AVIL: variants seen among roughly 807,000 people sequenced by gnomAD.
AVIL encodes the protein advillin.
In AVIL, 78 loss-of-function variants were observed where a neutral mutation model predicts 109.9. The ratio of observed to expected loss-of-function variants is 0.71; its 90% CI spans 0.59 to 0.86. The LOEUF (loss-of-function observed/expected upper bound fraction) is 0.86. Ranked by LOEUF, AVIL falls within the 40% of genes least tolerant of loss-of-function variation. The pLI, the probability that AVIL is intolerant of heterozygous loss-of-function variation, is 0.00. For missense variants in AVIL, 892 were observed against 1,016.5 expected (o/e 0.88, Z 1.67); for synonymous variants, 367 against 379.1 (o/e 0.97, Z 0.37).
chr12:57,813,420 G>A lies in AVIL; in HGVS notation c.145C>T (p.Arg49Trp), dbSNP rs536780133. 3 of 1,613,004 alleles carry A rather than the reference G, an allele frequency of 1.9e-6. No individual in the cohort carries two copies. Among genetic ancestry groups the A allele is most frequent in the African/African-American group, 1.3e-5 (1 of 75,010 alleles). ...TGGGATAGGAGACTGGCCACTCTCCGGGTCTGGGAGGTAGTCAGAGAGATC... is the reference window on the plus strand; with the variant it reads ...TGGGATAGGAGACTGGCCACTCTCCAGGTCTGGGAGGTAGTCAGAGAGATC... Reference protein sequence around the residue: ...EGDCYVILSTRRVASLLSQDI... With the variant: ...EGDCYVILSTWRVASLLSQDI... Residue 49 changes from arginine (R) to tryptophan (W), a missense_variant, in exon 4 of 20, where the codon CGG becomes TGG. Arg to Trp is a moderately radical substitution (Grantham distance 101). Transcript: ENST00000549994.
chr12:57,802,541 T>A (rs752861604), intron 16 of AVIL, 193 bp from the exon 17 acceptor site: 37 of 762,692 alleles, frequency 4.9e-5, no homozygotes, highest in Non-Finnish European at 1.8e-5. Flanking sequence ...TTAATTGCTA[T>A]GTGTATCTTC....
chr12:57,799,918 G>A lies in AVIL; in HGVS notation c.2223C>T (p.Asp741=). The A allele has an allele frequency of 1.9e-6, 3 of 1,614,140 alleles. No individual in the cohort carries two copies. The highest frequency in any genetic ancestry group is 2.5e-6 in the Non-Finnish European group (3 of 1,179,998). ...DAAAIMRITA[D]MKNATLSLNS... ...TCAGGGAGAGGGTTGCATTCTTCAT[G>A]TCCTAGGTAAGATAAGAATGTAGGC... is the stretch of plus-strand genomic sequence containing the variant. The change falls in exon 19 of 20, where the codon GAC becomes GAT. Residue 741 remains aspartate, a splice_region_variant and synonymous_variant. Transcript: ENST00000549994.
chr12:57,811,053 T>C lies in AVIL; in HGVS notation c.413A>G (p.His138Arg). 1 of 1,614,168 alleles carries C rather than the reference T, an allele frequency of 6.2e-7. No homozygotes were observed. Among genetic ancestry groups the C allele is most frequent in the Non-Finnish European group, 8.5e-7 (1 of 1,180,034 alleles). ...CCTGATGTTTCTTTTCCCTTTCACA[T>C]GTAGCAGCCGCTTCACGTCGTAGGT... is the stretch of plus-strand genomic sequence containing the variant. The part of the protein sequence containing the change: ...TNTYDVKRLL[H>R]VKGKRNIRAT... Residue 138 changes from histidine to arginine, a missense_variant, in exon 5 of 20, where the codon CAT becomes CGT. Transcript: ENST00000549994.
Position 57,810,905 on chromosome 12 carries a change from A to C in AVIL, c.469T>G (p.Phe157Val), listed in dbSNP as rs1433411021. Reference protein sequence around the residue: ...ATEVEMSWDSFNRGDVFLLDL... With the variant: ...ATEVEMSWDSVNRGDVFLLDL... ...AGCAAGAAGACATCACCTCGGTTGA[A>C]ACTGTCCCAGCTCATTTCCACCTGT... Residue 157 changes from phenylalanine (F) to valine (V), a missense_variant, in exon 6 of 20, where the codon TTC becomes GTC. Phe to Val is a conservative substitution (Grantham distance 50). Transcript: ENST00000549994. The C allele has an allele frequency of 1.9e-6, 3 of 1,614,050 alleles. No homozygotes were observed. The highest frequency in any genetic ancestry group is 2.5e-6 in the Non-Finnish European group (3 of 1,180,028).
intron 4 of AVIL, 57 bp downstream of exon 4, chr12:57,813,170 G>C (rs1956058206): frequency 6.5e-7 from 1 of 1,527,530 alleles, no homozygotes; most frequent in Non-Finnish European, 8.9e-7. Context: ...TTGGCCTTTT[G>C]GGTTTCCTCC....
chr12:57,816,757 T>A (rs1350636148), intron 1 of AVIL, among the ~76,000 whole-genome samples: 1 of 148,644 alleles, frequency 6.7e-6, no homozygotes, highest in Non-Finnish European at 1.5e-5. Flanking sequence ...CAAACAACCC[T>A]TCCTTCTTTT....
chr12:57,806,823 A>G (rs1284765885), intron 13 of AVIL, among the ~76,000 whole-genome samples: 1 of 152,162 alleles, frequency 6.6e-6, no homozygotes, highest in Non-Finnish European at 1.5e-5. Context: ...ATTCCATAGT[A>G]CAGATGAGGA....
At position 57,802,266 on chromosome 12, in the gene AVIL, TGA is replaced by T. The variant is rs1414564908; in HGVS notation, c.2043_2044del (p.His682ProfsTer14). 10 of 1,614,168 alleles carry T rather than the reference TGA, an allele frequency of 6.2e-6. No homozygotes were observed. The highest frequency in any genetic ancestry group is 8.5e-6 in the Non-Finnish European group (10 of 1,180,008). ...TGTGTCGGGATCTCGGCCGCTGGGGTGAGTGTGCAGGTACTGCTGTGCTGTGG... is the reference window on the plus strand; with the variant it reads ...TGTGTCGGGATCTCGGCCGCTGGGGTGTGTGCAGGTACTGCTGTGCTGTGG... On this transcript the variant is annotated frameshift_variant, in exon 17 of 20. Coordinates refer to ENST00000549994, the MANE Select transcript of AVIL (RefSeq NM_006576.4). LOFTEE classifies it high-confidence loss of function.
intron 3 of AVIL, 136 bp downstream of exon 3, chr12:57,814,016 G>T: frequency 1.1e-6 from 1 of 881,956 alleles, no homozygotes; most frequent in Non-Finnish European, 1.7e-6. Flanking sequence ...CTGGAGGTCT[G>T]CTCTGCATAG....
rs753346136 is a variant in AVIL at position 57,813,194 on chromosome 12, G to C, written c.338+33C>G. The C allele has an allele frequency of 9.5e-6, 15 of 1,571,152 alleles. 1 individual carries two copies. In the South Asian group the frequency reaches 1.7e-4, roughly 18 times the overall value. ...TGGGTTTCCTCCTCTGTAAACTGCT[G>C]TTTCTGTCCTTGCTCTGTGCACCCC... On this transcript the variant is annotated intron_variant, in intron 4 of 19. Transcript: ENST00000549994.
intron 16 of AVIL, 141 bp downstream of exon 16, chr12:57,803,106 G>T: frequency 1.8e-6 from 2 of 1,098,010 alleles, no homozygotes; most frequent in Non-Finnish European, 2.6e-6. Flanking sequence ...GCTTTCTTTT[G>T]GTCACTGCTG....
chr12:57,813,060 A>C (rs1170368974), intron 4 of AVIL, among the ~76,000 whole-genome samples, 167 bp downstream of exon 4: 3 of 152,146 alleles, frequency 2.0e-5, no homozygotes, highest in Non-Finnish European at 4.4e-5. Context: ...CCTTGCCAAC[A>C]CTTGGCACCT....
rs567856044 is a variant in AVIL, at chr12:57,802,314, G to A, written c.1997C>T (p.Thr666Met). The A allele has an allele frequency of 3.7e-5, 60 of 1,613,598 alleles. No individual in the cohort carries two copies. In the African/African-American group the frequency reaches 4.7e-4, roughly 13 times the overall value. The stretch of plus-strand genomic sequence containing the variant: ...TGTGGCAAGGGCACTCTCCTTCTCC[G>A]TGGCATTGGCCTCAGCCCCAATCCA... ...FLWIGAEANATEKESALATAQ... is the reference protein window; with the variant it reads ...FLWIGAEANAMEKESALATAQ... Residue 666 changes from threonine to methionine, a missense_variant, in exon 17 of 20, where the codon ACG (threonine) becomes ATG (methionine). By Grantham distance (81) the Thr-to-Met change is moderately conservative. Coordinates refer to ENST00000549994, the MANE Select transcript of AVIL (RefSeq NM_006576.4).
chr12:57,812,065 A>C (rs1956045124), intron 4 of AVIL, among the ~76,000 whole-genome samples: 1 of 152,142 alleles, frequency 6.6e-6, no homozygotes, highest in South Asian at 2.1e-4. Context: ...ATCATGGCTC[A>C]TTGCAGCCTT....
At chr12:57,818,407 T>A (rs564280539) in intron 1 of AVIL, among the ~76,000 whole-genome samples, 111 of 151,432 alleles carry the variant, frequency 7.3e-4, no homozygotes, top group African/African-American at 2.7e-3. Context: ...GTGAAAGGGG[T>A]CTGTCTTTCC....
Position 57,799,861 on chromosome 12 carries a change from A to T in AVIL, c.2280T>A (p.Pro760=). The stretch of plus-strand genomic sequence containing the variant: ...TCTGGTTTTTCAACAGAACTGCTAT[A>T]GGGTAATATTTTGGCTCACTGTCAT... ...NSNDSEPKYY[P]IAVLLKNQNQ... Residue 760 remains proline (P), a synonymous_variant, in exon 19 of 20, where the codon CCT becomes CCA. Coordinates refer to ENST00000549994, the MANE Select transcript of AVIL (RefSeq NM_006576.4). 6.2e-7 allele frequency: 1 copy of T among 1,614,152 alleles called. No homozygotes were observed. Among genetic ancestry groups the T allele is most frequent in the South Asian group, 1.1e-5 (1 of 91,084 alleles).
At chr12:57,803,079 CT>C (rs1198544812) in intron 16 of AVIL, among the ~76,000 whole-genome samples, 167 bp downstream of exon 16, 4 of 152,122 alleles carry the variant, frequency 2.6e-5, no homozygotes, top group Non-Finnish European at 5.9e-5. Flanking sequence ...AACATCACCC[CT>C]GGAAAAAAAA....
Position 57,797,544 on chromosome 12 carries a change from G to A in AVIL, c.*338C>T. 9 of 927,948 alleles carry A rather than the reference G, an allele frequency of 9.7e-6. No individual in the cohort carries two copies. The highest frequency in any genetic ancestry group is 1.2e-5 in the Non-Finnish European group (9 of 776,960). 57.5% of individuals were successfully genotyped at this position (927,948 alleles called of 1,614,324 possible). ...AAATTGAAAACAAAGGTAGGTCCTGGTATAATATTAAACATAAAGTTATTA... is the reference window on the plus strand; with the variant it reads ...AAATTGAAAACAAAGGTAGGTCCTGATATAATATTAAACATAAAGTTATTA... On this transcript the variant is annotated 3_prime_UTR_variant, in exon 20 of 20. Coordinates refer to ENST00000549994, the MANE Select transcript of AVIL (RefSeq NM_006576.4).
rs1387875794 is a variant in AVIL at position 57,813,269 on chromosome 12, T to C, written c.296A>G (p.His99Arg). 6.2e-6 allele frequency: 10 copies of C among 1,613,844 alleles called. No individual in the cohort carries two copies. The highest frequency in any genetic ancestry group is 8.5e-6 in the Non-Finnish European group (10 of 1,179,908). The change falls in exon 4 of 20, where the codon CAT becomes CGT. Residue 99 changes from histidine (H) to arginine (R), a missense_variant. Transcript: ENST00000549994. ...GTAGCCACGGAAAGTGTCTGACTCA[T>C]GGTACTGGACCTCTCGGTGCTGCAC... ...SPVQHREVQY[H>R]ESDTFRGYFK...
Sources: allele counts gnomAD v4.1 joint callset (sites outside exome capture counted in the v4.1 genomes callset), GRCh38; gene constraint gnomAD v4.1.1; transcripts MANE v1.5; gene names NCBI Gene and HGNC (gene_info 2026-07-23, HGNC 2026-07-21).